Variants in ZNF782 observed in about 807,000 individuals in gnomAD.
ZNF782 encodes zinc finger protein 782.
Under a neutral mutation model 13.0 loss-of-function variants are expected in ZNF782, and 12 were observed. That is an observed-to-expected ratio of 0.92 (90% CI 0.59 to 1.50). The LOEUF is 1.50. Among genes scored for constraint, ZNF782 ranks in the 40% most tolerant of loss-of-function variants. The pLI, the probability that ZNF782 is intolerant of heterozygous loss-of-function variation, is 0.00. For synonymous variants in ZNF782, 284 were observed against 283.0 expected (o/e 1.00, Z -0.04); for missense variants, 770 against 822.9 (o/e 0.94, Z 0.79).
At chr9:96,899,232 CAG>C in the ZNF782 span, among the ~76,000 whole-genome samples, 1 of 151,552 alleles carries the variant, frequency 6.6e-6, no homozygotes, top group South Asian at 2.1e-4. Flanking sequence ...GCCTAGGTGA[CAG>C]AGTGAGACTC....
the ZNF782 span, among the ~76,000 whole-genome samples, chr9:96,884,656 C>T: frequency 6.6e-6 from 1 of 152,128 alleles, no homozygotes; most frequent in African/African-American, 2.4e-5. Flanking sequence ...CCCACTTTGA[C>T]CAGGAAGATG....
In ZNF782 at chr9:96,822,033, C is replaced by T. The variant is rs568011899; in HGVS notation, c.245-2255G>A. Among the ~76,000 whole-genome samples the T allele has an allele frequency of 6.6e-5, 10 of 152,266 alleles. No individual in the cohort carries two copies. In the East Asian group the frequency reaches 1.9e-3, roughly 29 times the overall value. Reference sequence around the variant, plus strand: ...TTTGTTCTCCTTTCCAAAATATAACCTTCGTTCTGATATACTTTATATCTC... The same window carrying T: ...TTTGTTCTCCTTTCCAAAATATAACTTTCGTTCTGATATACTTTATATCTC... On this transcript the variant is annotated intron_variant, in intron 5 of 5. Transcript: ENST00000481138.
At chr9:96,841,029 G>C (rs1333032380) in intron 4 of ZNF782, among the ~76,000 whole-genome samples, 3 of 151,838 alleles carry the variant, frequency 2.0e-5, no homozygotes, top group Non-Finnish European at 4.4e-5. Context: ...AAATAAAAGA[G>C]CAAGAAGACA....
the ZNF782 span, chr9:96,890,596 T>C: frequency 6.6e-6 from 1 of 152,244 alleles, no homozygotes; most frequent in Non-Finnish European, 1.5e-5. Context: ...AAAAGAATCA[T>C]TGGGAGATCC....
chr9:96,827,778 T>TA (rs1395360358), intron 4 of ZNF782, among the ~76,000 whole-genome samples: 1 of 151,970 alleles, frequency 6.6e-6, no homozygotes, highest in Non-Finnish European at 1.5e-5. Flanking sequence ...AACAGACAAC[T>TA]AAAAAACCAA....
At chr9:96,844,745 T>C in intron 4 of ZNF782, 145 bp downstream of exon 4, 1 of 1,084,040 alleles carries the variant, frequency 9.2e-7, no homozygotes, top group South Asian at 1.4e-5. Context: ...TTCTGTTAAG[T>C]ATACCTCAAT....
At chr9:96,920,108 C>T in the ZNF782 span, among the ~76,000 whole-genome samples, 7 of 150,050 alleles carry the variant, frequency 4.7e-5, no homozygotes, top group African/African-American at 1.5e-4. Flanking sequence ...ACCTGATGCA[C>T]TGCCAAAAGA....
the ZNF782 span, among the ~76,000 whole-genome samples, chr9:96,907,167 G>A: frequency 6.6e-6 from 1 of 151,888 alleles, no homozygotes; most frequent in Non-Finnish European, 1.5e-5. Flanking sequence ...ACACAAACGA[G>A]AGAATATTAT....
At chr9:96,903,531 T>G in the ZNF782 span, among the ~76,000 whole-genome samples, 26 of 149,142 alleles carry the variant, frequency 1.7e-4, 1 homozygote, top group African/African-American at 6.2e-4. Flanking sequence ...TGACCATAAC[T>G]TTTCTTTTTT....
chr9:96,871,933 A>G (rs1426651242), intron 1 of ZNF782, among the ~76,000 whole-genome samples: 1 of 152,192 alleles, frequency 6.6e-6, no homozygotes, highest in Non-Finnish European at 1.5e-5. Context: ...TTTTCTCTAG[A>G]TGTGATACAG....
rs1850294097 is a variant in ZNF782 at position 96,818,892 on chromosome 9, C to A, written c.1131G>T (p.Met377Ile). The change falls in exon 6 of 6, where the codon ATG (methionine) becomes ATT (isoleucine). Residue 377 changes from methionine to isoleucine, a missense_variant. Physicochemically the swap from Met to Ile is conservative, Grantham distance 10 (BLOSUM62 1). Transcript: ENST00000481138. The part of the protein sequence containing the change: ...EYNECGKSCS[M>I]NSHLIWPQKS... ...TCTGAGGCCAAATCAAGTGTGAATT[C>A]ATAGAGCAGGATTTCCCACATTCAT... The A allele has an allele frequency of 1.9e-6, 3 of 1,614,184 alleles. No homozygotes were observed. The East Asian group carries it at 6.7e-5, about 36-fold the overall frequency.
chr9:96,872,881 G>A (rs1851843362), intron 1 of ZNF782, among the ~76,000 whole-genome samples: 1 of 152,148 alleles, frequency 6.6e-6, no homozygotes, highest in Admixed American at 6.5e-5. Context: ...ATACACCAAA[G>A]AGAAAGGATT....
intron 5 of ZNF782, among the ~76,000 whole-genome samples, chr9:96,822,357 A>G (rs918316281): frequency 5.3e-5 from 8 of 152,248 alleles, no homozygotes; most frequent in Admixed American, 1.3e-4. Flanking sequence ...TTAGTGGGTT[A>G]TAATCCAGGT....
chr9:96,921,005 A>G, the ZNF782 span, among the ~76,000 whole-genome samples: 1 of 146,344 alleles, frequency 6.8e-6, no homozygotes, highest in African/African-American at 2.7e-5. Flanking sequence ...CCTTGGGGAG[A>G]GGAAGCTTGC....
the ZNF782 span, among the ~76,000 whole-genome samples, chr9:96,921,980 C>T: frequency 7.3e-5 from 11 of 151,434 alleles, no homozygotes; most frequent in East Asian, 2.2e-3. Context: ...GTGTGAGCCA[C>T]TGCACCCGGC....
At chr9:96,857,257 G>C (rs184224166), upstream of ZNF782, among the ~76,000 whole-genome samples, 608 of 152,266 alleles carry the variant, frequency 4.0e-3, 5 homozygotes, top group African/African-American at 0.014. Flanking sequence ...TGACAACACT[G>C]CCTCTTTTCA....
At chr9:96,894,818 C>G in the ZNF782 span, 1 of 152,248 alleles carries the variant, frequency 6.6e-6, no homozygotes, top group Non-Finnish European at 1.5e-5. Context: ...CCCTCAAACT[C>G]CTGGGCTCAA....
At chr9:96,917,534 T>C in the ZNF782 span, among the ~76,000 whole-genome samples, 13 of 151,784 alleles carry the variant, frequency 8.6e-5, no homozygotes, top group South Asian at 4.2e-4. Flanking sequence ...CGGGTTCAAG[T>C]GATTCTCCTA....
the ZNF782 span, chr9:96,888,183 A>T: frequency 6.6e-6 from 1 of 152,190 alleles, no homozygotes; most frequent in Non-Finnish European, 1.5e-5. Flanking sequence ...AAAGAAAAAA[A>T]AAAAGAAAAT....
Sources: gnomAD v4.1 joint callset for allele counts (sites outside exome capture counted in the v4.1 genomes callset) on GRCh38, gnomAD v4.1.1 for gene constraint, MANE v1.5 for transcripts, NCBI Gene and HGNC (gene_info 2026-07-23, HGNC 2026-07-21) for gene names.